Variants in INTS8 observed in about 807,000 individuals in gnomAD.
INTS8 encodes the protein protein kaonashi-1.
INTS8 carries 47 observed loss-of-function variants against 138.9 expected under a neutral mutation model. The observed-to-expected ratio is 0.34, with a 90% CI of 0.27 to 0.43. INTS8 has a LOEUF of 0.43. INTS8 is among the 20% of genes least tolerant of loss of function. The pLI is 1.00. For missense variants in INTS8, 996 were observed against 1,173.0 expected, an observed-to-expected ratio of 0.85 and a Z score of 2.20; for synonymous variants, 392 against 400.9, an observed-to-expected ratio of 0.98 and a Z score of 0.27.
In INTS8 at chr8:94,880,369, T is replaced by C; in HGVS notation, c.*135T>C. ...TTCAGACAAAATACTGAAACAAATA[T>C]TAGTTTAAAAACAAACTATACAGAA... is the stretch of plus-strand genomic sequence containing the variant. On this transcript the variant is annotated 3_prime_UTR_variant, in exon 27 of 27. Transcript: ENST00000523731. 7.3e-6 allele frequency: 4 copies of C among 549,120 alleles called. No homozygotes were observed. In the East Asian group the frequency reaches 9.2e-5, roughly 13 times the overall value. The allele number at this position is 549,120 out of a possible 1,614,324, so 34.0% of individuals were successfully genotyped here.
At chr8:94,834,451 AT>A (rs1449968886) in intron 6 of INTS8, among the ~76,000 whole-genome samples, 1 of 151,314 alleles carries the variant, frequency 6.6e-6, no homozygotes, top group African/African-American at 2.4e-5. Context: ...ACTCTCTAGA[AT>A]GAAAATCAGC....
intron 26 of INTS8, chr8:94,879,747 A>G (rs1315165350): frequency 1.3e-5 from 2 of 158,012 alleles, no homozygotes; most frequent in East Asian, 1.8e-4. Context: ...TTGAGCAACT[A>G]TATGCTACCA....
chr8:94,874,480 T>A (rs919246842), intron 22 of INTS8, 72 bp from the exon 23 acceptor site: 9 of 830,474 alleles, frequency 1.1e-5, no homozygotes, highest in East Asian at 2.5e-5. Flanking sequence ...TGACATCCCA[T>A]ACCAGAGTGA....
intron 6 of INTS8, among the ~76,000 whole-genome samples, chr8:94,833,362 C>A (rs1341539719): frequency 6.6e-6 from 1 of 151,554 alleles, no homozygotes; most frequent in African/African-American, 2.4e-5. Flanking sequence ...ACTTGGTAAC[C>A]CTTTTTGTAA....
intron 10 of INTS8, among the ~76,000 whole-genome samples, chr8:94,847,126 C>T (rs1202871097): frequency 6.6e-6 from 1 of 151,998 alleles, no homozygotes; most frequent in Non-Finnish European, 1.5e-5. Context: ...CTACAACTTC[C>T]CTCTCCAGCT....
In INTS8 at chr8:94,880,649, T is replaced by G; in HGVS notation, c.*415T>G. On this transcript the variant is annotated 3_prime_UTR_variant, in exon 27 of 27. Transcript: ENST00000523731. The stretch of plus-strand genomic sequence containing the variant: ...TCTTCTTCCTTAAGAAAATAGAAGT[T>G]TAGGTCAAGTGTTAAGCTTTATCAC... The G allele has an allele frequency of 2.6e-6, 1 of 387,078 alleles. No homozygotes were observed. The highest frequency in any genetic ancestry group is 4.6e-6 in the Non-Finnish European group (1 of 219,744). The allele number at this position is 387,078 out of a possible 1,614,324, so 24.0% of individuals were successfully genotyped here.
At position 94,881,707 on chromosome 8, in the gene INTS8, TC is replaced by T; in HGVS notation, c.*1478del. The stretch of plus-strand genomic sequence containing the variant: ...CTCCATTGCACACTGGTGACAACTG[TC>T]CCCCTTTTCTGAAGGTGTTTATGTA... On this transcript the variant is annotated 3_prime_UTR_variant, in exon 27 of 27. Transcript: ENST00000523731. 1 of 1,613,816 alleles carries T rather than the reference TC, an allele frequency of 6.2e-7. No homozygotes were observed. Among genetic ancestry groups the T allele is most frequent in the Non-Finnish European group, 8.5e-7 (1 of 1,179,768 alleles).
chr8:94,842,562 A>C, intron 10 of INTS8, 74 bp downstream of exon 10: 1 of 1,210,908 alleles, frequency 8.3e-7, no homozygotes, highest in Non-Finnish European at 1.1e-6. Context: ...TAATTGCCAA[A>C]TCCAGTTCCT....
intron 14 of INTS8, among the ~76,000 whole-genome samples, chr8:94,856,071 A>G (rs1353092373): frequency 6.6e-6 from 1 of 152,236 alleles, no homozygotes; most frequent in Non-Finnish European, 1.5e-5. Flanking sequence ...TAGTGGTGTG[A>G]TGGGTGTGAG....
At chr8:94,848,357 T>C (rs1390738133) in intron 10 of INTS8, among the ~76,000 whole-genome samples, 2 of 152,100 alleles carry the variant, frequency 1.3e-5, no homozygotes, top group Non-Finnish European at 2.9e-5. Context: ...TCACATACCA[T>C]ACAGTTCACG....
chr8:94,880,789 T>C lies in INTS8; in HGVS notation c.*555T>C, dbSNP rs1388367069. 1 of 398,312 alleles carries C rather than the reference T, an allele frequency of 2.5e-6. No individual in the cohort carries two copies. The highest frequency in any genetic ancestry group is 2.1e-5 in the African/African-American group (1 of 48,570). 24.7% of individuals were successfully genotyped at this position (398,312 alleles called of 1,614,324 possible). A position where few individuals can be genotyped will look rare whatever the true frequency, so the allele number is the denominator to read the frequency against. On this transcript the variant is annotated 3_prime_UTR_variant, in exon 27 of 27. Coordinates refer to ENST00000523731, the MANE Select transcript of INTS8 (RefSeq NM_017864.4). ...TAAAAAAAAAAATTCCTTAGGGATA[T>C]CTTAGAGTAGTAAAGTGACTTCCTC...
At chr8:94,828,509 T>C (rs1338894735) in intron 4 of INTS8, among the ~76,000 whole-genome samples, 1 of 152,200 alleles carries the variant, frequency 6.6e-6, no homozygotes, top group Non-Finnish European at 1.5e-5. Flanking sequence ...GAGTGGAGGA[T>C]GGAGTTTTAA....
At chr8:94,873,577 C>T (rs552550072) in intron 22 of INTS8, 100 bp downstream of exon 22, 3 of 738,022 alleles carry the variant, frequency 4.1e-6, no homozygotes, top group Non-Finnish European at 7.3e-6. Context: ...GTAATGTGAT[C>T]GTAAGTCCCA....
At chr8:94,873,701 T>C in intron 22 of INTS8, 2 of 466,328 alleles carry the variant, frequency 4.3e-6, no homozygotes, top group Non-Finnish European at 3.8e-6. Context: ...CCAAACTGAT[T>C]TGTGTCTGTC....
intron 16 of INTS8, among the ~76,000 whole-genome samples, chr8:94,863,790 A>T (rs1450733519): frequency 6.6e-6 from 1 of 152,238 alleles, no homozygotes; most frequent in Non-Finnish European, 1.5e-5. Flanking sequence ...GAGCTACAGT[A>T]GCCCTGGCAT....
At chr8:94,846,712 T>G (rs918929108) in intron 10 of INTS8, among the ~76,000 whole-genome samples, 1 of 152,220 alleles carries the variant, frequency 6.6e-6, no homozygotes, top group Non-Finnish European at 1.5e-5. Context: ...ATGATGTTTA[T>G]TGTAGGTTTT....
chr8:94,841,340 T>C, intron 8 of INTS8, 151 bp from the exon 9 acceptor site: 1 of 463,340 alleles, frequency 2.2e-6, no homozygotes, highest in Non-Finnish European at 3.8e-6. Context: ...CTTAATCAAA[T>C]TTTAGAATTT....
chr8:94,827,239 A>G, intron 2 of INTS8, 24 bp from the exon 3 acceptor site: 1 of 1,606,822 alleles, frequency 6.2e-7, no homozygotes, highest in Admixed American at 1.7e-5. Context: ...TAATGTGCAA[A>G]CATGTACGTT....
chr8:94,881,583 G>A lies in INTS8; in HGVS notation c.*1349G>A, dbSNP rs1816814688. 1 of 1,599,822 alleles carries A rather than the reference G, an allele frequency of 6.3e-7. No homozygotes were observed. Among genetic ancestry groups the A allele is most frequent in the Admixed American group, 1.7e-5 (1 of 57,952 alleles). ...AAACTTTAGTAGTTCAGTGATACCA[G>A]TTCTACCCAATCTTGGTGAATTCCA... On this transcript the variant is annotated 3_prime_UTR_variant, in exon 27 of 27. Coordinates refer to ENST00000523731, the MANE Select transcript of INTS8 (RefSeq NM_017864.4).
Sources: allele counts gnomAD v4.1 joint callset (sites outside exome capture counted in the v4.1 genomes callset), GRCh38; gene constraint gnomAD v4.1.1; transcripts MANE v1.5; gene names NCBI Gene and HGNC (gene_info 2026-07-23, HGNC 2026-07-21).